AGBL1: variants seen among roughly 807,000 people sequenced by gnomAD.
AGBL1 encodes the protein AGBL carboxypeptidase 1.
Under a neutral mutation model 118.9 loss-of-function variants are expected in AGBL1, and 130 were observed. The observed-to-expected ratio is 1.09, with a 90% CI of 0.95 to 1.26. AGBL1 has a LOEUF of 1.26. Among genes scored for constraint, AGBL1 ranks in the 50% most tolerant of loss-of-function variants. The probability of loss-of-function intolerance (pLI) is 0.00; values close to 1 mark genes in which losing one functional copy is unlikely to be tolerated. For synonymous variants in AGBL1, 555 were observed against 478.9 expected (o/e 1.16, Z -2.08); for missense variants, 1,584 against 1,298.1 (o/e 1.22, Z -3.38).
intron 22 of AGBL1, among the ~76,000 whole-genome samples, chr15:86,882,445 A>G (rs968044132): frequency 3.3e-5 from 5 of 152,194 alleles, no homozygotes; most frequent in Non-Finnish European, 5.9e-5. Context: ...TCTCCCAGTA[A>G]AAAATTGTCT....
At chr15:86,705,118 C>A (rs1485062416) in intron 22 of AGBL1, among the ~76,000 whole-genome samples, 1 of 152,094 alleles carries the variant, frequency 6.6e-6, no homozygotes, top group African/African-American at 2.4e-5. Context: ...AAACGTCACA[C>A]ACTGGGCCCT....
At chr15:86,955,188 AAAAAT>A (rs2080917403) in intron 23 of AGBL1, among the ~76,000 whole-genome samples, 1 of 152,140 alleles carries the variant, frequency 6.6e-6, no homozygotes, top group Admixed American at 6.5e-5. Flanking sequence ...CAAATTTACT[AAAAAT>A]AAAAATTTTA....
chr15:86,191,726 A>G lies in AGBL1; in HGVS notation c.488+32700A>G, dbSNP rs374839011. Among the ~76,000 whole-genome samples, 227 of 152,140 alleles carry G rather than the reference A, an allele frequency of 1.5e-3. 3 individuals carry two copies. The South Asian group carries it at 0.045, about 30-fold the overall frequency. ...TTTTTCTGTTATTTTTAAAATTTAT[A>G]TATGTTGGGAAATCTTCCTCCATTA... On this transcript the variant is annotated intron_variant, in intron 5 of 22. Transcript: ENST00000614907.
intron 19 of AGBL1, among the ~76,000 whole-genome samples, chr15:86,545,164 T>G (rs1488520623): frequency 2.0e-5 from 3 of 152,212 alleles, no homozygotes. Flanking sequence ...GTAGCATGTT[T>G]CAAATTAGGG....
At chr15:86,658,303 G>A (rs8035656) in intron 21 of AGBL1, among the ~76,000 whole-genome samples, 4,774 of 152,140 alleles carry the variant, frequency 0.031, 242 homozygotes, top group African/African-American at 0.11. Flanking sequence ...TAGGGATTTT[G>A]TCCTTAGCCT....
At chr15:86,227,158 T>C (rs1289376585) in intron 6 of AGBL1, among the ~76,000 whole-genome samples, 2 of 152,054 alleles carry the variant, frequency 1.3e-5, no homozygotes, top group African/African-American at 4.8e-5. Flanking sequence ...ATAGAACCAA[T>C]GATCTAAACA....
chr15:86,355,460 GA>G (rs1040416769), intron 17 of AGBL1, among the ~76,000 whole-genome samples: 2 of 152,120 alleles, frequency 1.3e-5, no homozygotes, highest in Non-Finnish European at 2.9e-5. Flanking sequence ...AATTAAAAAA[GA>G]GATTCCATGT....
intron 21 of AGBL1, among the ~76,000 whole-genome samples, chr15:86,589,081 A>G (rs1376728695): frequency 6.6e-6 from 1 of 152,112 alleles, no homozygotes; most frequent in Non-Finnish European, 1.5e-5. Flanking sequence ...TTTTTTAAAT[A>G]TGAATAACTT....
At chr15:86,467,765 C>T (rs947542920) in intron 18 of AGBL1, among the ~76,000 whole-genome samples, 8 of 152,156 alleles carry the variant, frequency 5.3e-5, no homozygotes, top group Non-Finnish European at 8.8e-5. Flanking sequence ...TGAGGCGATG[C>T]CCCAACCCTG....
At chr15:86,954,220 T>G (rs2080907967) in intron 23 of AGBL1, among the ~76,000 whole-genome samples, 1 of 152,198 alleles carries the variant, frequency 6.6e-6, no homozygotes, top group Admixed American at 6.5e-5. Context: ...GTTCAACCAC[T>G]ATAGAAAGCA....
intron 22 of AGBL1, among the ~76,000 whole-genome samples, chr15:86,862,470 A>G (rs2079571696): frequency 6.6e-6 from 1 of 152,208 alleles, no homozygotes; most frequent in South Asian, 2.1e-4. Flanking sequence ...CTGTAATCCC[A>G]GCACTTTGGG....
intron 17 of AGBL1, among the ~76,000 whole-genome samples, chr15:86,334,515 CAG>C: frequency 6.6e-6 from 1 of 152,248 alleles, no homozygotes; most frequent in East Asian, 1.9e-4. Context: ...ACATAGATGA[CAG>C]AAACAAATGG....
At chr15:86,103,793 G>A (rs930122791) in intron 1 of AGBL1, among the ~76,000 whole-genome samples, 3 of 152,342 alleles carry the variant, frequency 2.0e-5, no homozygotes, top group South Asian at 2.1e-4. Context: ...ATATGCTGGC[G>A]TTGGTGTTAG....
At chr15:86,567,938 TA>T (rs2083940529) in intron 21 of AGBL1, among the ~76,000 whole-genome samples, 1 of 152,178 alleles carries the variant, frequency 6.6e-6, no homozygotes, top group Non-Finnish European at 1.5e-5. Flanking sequence ...AGACCAGATG[TA>T]AAAGGTGAGA....
At chr15:86,916,861 G>A (rs1436241144), downstream of AGBL1, among the ~76,000 whole-genome samples, 2 of 152,196 alleles carry the variant, frequency 1.3e-5, no homozygotes, top group Non-Finnish European at 2.9e-5. Context: ...AGGGACCGAG[G>A]CCAGGCCTGC....
chr15:86,596,262 A>C (rs984193504), intron 21 of AGBL1, among the ~76,000 whole-genome samples: 12 of 152,050 alleles, frequency 7.9e-5, no homozygotes, highest in African/African-American at 2.4e-4. Context: ...GCCCTTCAAC[A>C]AAAGTCCTCT....
chr15:86,978,530 T>G (rs2081197719), intron 23 of AGBL1, among the ~76,000 whole-genome samples: 1 of 152,200 alleles, frequency 6.6e-6, no homozygotes, highest in African/African-American at 2.4e-5. Flanking sequence ...AAACAAGTAG[T>G]GCTCCTTAAC....
intron 24 of AGBL1, among the ~76,000 whole-genome samples, chr15:86,994,614 C>G (rs774123736): frequency 6.6e-6 from 1 of 152,126 alleles, no homozygotes; most frequent in Non-Finnish European, 1.5e-5. Flanking sequence ...GCAAGTAGAT[C>G]AGTTTGCTTC....
chr15:86,303,313 A>C (rs1207045766), intron 17 of AGBL1, among the ~76,000 whole-genome samples: 1 of 152,146 alleles, frequency 6.6e-6, no homozygotes, highest in Non-Finnish European at 1.5e-5. Flanking sequence ...TAAGTGGGTG[A>C]TGAGGTTTCA....
Sources: allele counts gnomAD v4.1 joint callset (sites outside exome capture counted in the v4.1 genomes callset), GRCh38; gene constraint gnomAD v4.1.1; transcripts MANE v1.5; gene names NCBI Gene and HGNC (gene_info 2026-07-23, HGNC 2026-07-21).